Variants in DCHS2 observed in about 807,000 individuals in gnomAD.
DCHS2 encodes dachsous cadherin-related 2, also known as protocadherin-23.
Under a neutral mutation model 182.4 loss-of-function variants are expected in DCHS2, and 142 were observed. That is an observed-to-expected ratio of 0.78 (90% confidence interval 0.68 to 0.89). The LOEUF (loss-of-function observed/expected upper bound fraction) is 0.89. Among genes scored for constraint, DCHS2 ranks in the 40% least tolerant of loss-of-function variants. The pLI, the probability that DCHS2 is intolerant of heterozygous loss-of-function variation, is 0.00. For synonymous variants in DCHS2, 1,740 were observed against 1,663.3 expected, an observed-to-expected ratio of 1.05 and a Z score of -1.12; for missense variants, 4,319 against 4,198.6, an observed-to-expected ratio of 1.03 and a Z score of -0.79.
At position 154,490,462 on chromosome 4, in the gene DCHS2, C is replaced by G. The variant is rs978631080; in HGVS notation, c.894G>C (p.Gln298His). 6.5e-7 allele frequency: 1 copy of G among 1,536,794 alleles called. No individual in the cohort carries two copies. Among genetic ancestry groups the G allele is most frequent in the Admixed American group, 2.0e-5 (1 of 50,962 alleles). ...DENDNPPVFE[Q>H]DEYRAAVRED... ...CGCGCACCGCGGCGCGGTACTCGTCCTGCTCAAAGACCGGCGGGTTGTCGT... is the reference window on the plus strand; with the variant it reads ...CGCGCACCGCGGCGCGGTACTCGTCGTGCTCAAAGACCGGCGGGTTGTCGT... The change falls in exon 1 of 20, where the codon CAG becomes CAC. Residue 298 changes from glutamine (Q) to histidine (H), a missense_variant. Gln to His is a conservative substitution (Grantham distance 24). Transcript: ENST00000357232.
At chr4:154,311,837 G>C (rs963350026) in intron 10 of DCHS2, among the ~76,000 whole-genome samples, 1 of 151,906 alleles carries the variant, frequency 6.6e-6, no homozygotes, top group East Asian at 1.9e-4. Flanking sequence ...AGAAAAAGCA[G>C]GTGAATAAAC....
chr4:154,234,336 AG>A lies in DCHS2; in HGVS notation c.*199del, dbSNP rs1234726738. On this transcript the variant is annotated 3_prime_UTR_variant, in exon 20 of 20. Transcript: ENST00000357232. ...ATGTGAGTCCTGAGAGCAACACATA[AG>A]GATTAAAAGAGGAAATAACTTTTCA... 3.0e-6 allele frequency: 2 copies of A among 674,690 alleles called. No homozygotes were observed. Among genetic ancestry groups the A allele is most frequent in the Non-Finnish European group, 4.7e-6 (2 of 426,694 alleles). 41.8% of individuals were successfully genotyped at this position (674,690 alleles called of 1,614,324 possible). A position where few individuals can be genotyped will look rare whatever the true frequency, so the allele number is the denominator to read the frequency against.
At chr4:154,447,109 CG>C (rs888367888) in intron 1 of DCHS2, among the ~76,000 whole-genome samples, 1 of 151,930 alleles carries the variant, frequency 6.6e-6, no homozygotes, top group African/African-American at 2.4e-5. Flanking sequence ...CTGAACAACA[CG>C]GCGAAACCCC....
At chr4:154,321,354 T>C in intron 8 of DCHS2, 132 bp from the exon 9 acceptor site, 1 of 980,080 alleles carries the variant, frequency 1.0e-6, no homozygotes, top group Non-Finnish European at 1.4e-6. Context: ...GAGAAAAATG[T>C]CATTTTTATA....
intron 1 of DCHS2, among the ~76,000 whole-genome samples, chr4:154,427,926 C>T (rs143154080): frequency 6.6e-6 from 1 of 152,326 alleles, no homozygotes; most frequent in Admixed American, 6.5e-5. Context: ...CTGCTCTATA[C>T]ATTGAGAGCA....
rs1484279891 is a variant in DCHS2, at chr4:154,298,008, T to A, written c.6306A>T (p.Glu2102Asp). The A allele has an allele frequency of 6.2e-7, 1 of 1,614,090 alleles. No individual in the cohort carries two copies. ...TTAACTGCAGCCAGATAGGGAAGTA[T>A]TCTGAAGATGGATTTTGCTGAAATT... ...EIQFQQNPSSEYFPIWLQLKV... is the reference protein window; with the variant it reads ...EIQFQQNPSSDYFPIWLQLKV... Residue 2102 changes from glutamate (E) to aspartate (D), a missense_variant, in exon 13 of 20, where the codon GAA becomes GAT. Transcript: ENST00000357232.
intron 19 of DCHS2, 150 bp from the exon 20 acceptor site, chr4:154,237,309 T>C (rs1731579170): frequency 9.6e-7 from 1 of 1,042,380 alleles, no homozygotes; most frequent in Non-Finnish European, 1.3e-6. Flanking sequence ...CAAATAGAAA[T>C]ACAAATTATT....
chr4:154,254,696 G>A (rs999292588), intron 16 of DCHS2, among the ~76,000 whole-genome samples: 1 of 152,120 alleles, frequency 6.6e-6, no homozygotes, highest in Non-Finnish European at 1.5e-5. Context: ...AATTAACCAC[G>A]CATGGTGGCA....
At chr4:154,341,295 G>C (rs1428288416) in intron 3 of DCHS2, among the ~76,000 whole-genome samples, 1 of 151,024 alleles carries the variant, frequency 6.6e-6, no homozygotes, top group Admixed American at 6.6e-5. Context: ...CGTGAACCCG[G>C]GAAGTGGAGG....
chr4:154,457,233 A>G (rs1004796373), intron 1 of DCHS2, among the ~76,000 whole-genome samples: 1 of 152,230 alleles, frequency 6.6e-6, no homozygotes, highest in African/African-American at 2.4e-5. Context: ...CAACAAGTTC[A>G]TCTACTAACC....
In DCHS2 at chr4:154,259,773, G is replaced by T. The variant is rs768166482; in HGVS notation, c.6578-17C>A. 1.3e-6 allele frequency: 2 copies of T among 1,575,906 alleles called. No homozygotes were observed. The highest frequency in any genetic ancestry group is 8.6e-7 in the Non-Finnish European group (1 of 1,167,318). On this transcript the variant is annotated splice_polypyrimidine_tract_variant and intron_variant, in intron 14 of 19. Transcript: ENST00000357232. Reference sequence around the variant, plus strand: ...TGAGTTGTCCTATTTTTATTTCCAAGGAGAAAAAAAAGAAAATGATGTTGT... The same window carrying T: ...TGAGTTGTCCTATTTTTATTTCCAATGAGAAAAAAAAGAAAATGATGTTGT...
intron 7 of DCHS2, among the ~76,000 whole-genome samples, chr4:154,326,991 T>G (rs1169477242): frequency 6.6e-6 from 1 of 152,186 alleles, no homozygotes. Flanking sequence ...TTTAGGATAT[T>G]GAGTCTTCCC....
chr4:154,255,457 A>G, intron 16 of DCHS2, 62 bp downstream of exon 16: 3 of 1,544,718 alleles, frequency 1.9e-6, no homozygotes, highest in South Asian at 2.6e-5. Flanking sequence ...TGAACAAAAC[A>G]GCAATGTTGT....
chr4:154,244,857 T>G (rs1308302195), intron 16 of DCHS2, among the ~76,000 whole-genome samples: 1 of 152,180 alleles, frequency 6.6e-6, no homozygotes, highest in African/African-American at 2.4e-5. Flanking sequence ...CAGATACATA[T>G]GGAAATATTT....
At chr4:154,370,294 T>C (rs1345239742) in intron 2 of DCHS2, among the ~76,000 whole-genome samples, 1 of 151,918 alleles carries the variant, frequency 6.6e-6, no homozygotes, top group Non-Finnish European at 1.5e-5. Context: ...ACAGTAACCA[T>C]GTAGAGAAAA....
intron 6 of DCHS2, among the ~76,000 whole-genome samples, chr4:154,328,619 C>A (rs529541501): frequency 6.6e-6 from 1 of 152,226 alleles, no homozygotes; most frequent in East Asian, 1.9e-4. Flanking sequence ...GCAGGACATA[C>A]CAATTATCAG....
chr4:154,285,502 T>G (rs1262104095), intron 13 of DCHS2, among the ~76,000 whole-genome samples: 4 of 152,172 alleles, frequency 2.6e-5, no homozygotes, highest in Admixed American at 2.6e-4. Context: ...GGGAGCCTAC[T>G]GCCTTGAAGG....
chr4:154,248,001 A>G (rs1732164255), intron 16 of DCHS2, among the ~76,000 whole-genome samples: 1 of 152,224 alleles, frequency 6.6e-6, no homozygotes, highest in Non-Finnish European at 1.5e-5. Context: ...TGGAGAGGGC[A>G]TAAAGCAGTA....
intron 1 of DCHS2, among the ~76,000 whole-genome samples, chr4:154,409,715 T>C (rs1411255742): frequency 6.6e-6 from 1 of 152,148 alleles, no homozygotes; most frequent in Non-Finnish European, 1.5e-5. Flanking sequence ...CCAGCACCAA[T>C]GCCGTTGCTT....
Sources: gnomAD v4.1 joint callset for allele counts (sites outside exome capture counted in the v4.1 genomes callset) on GRCh38, gnomAD v4.1.1 for gene constraint, MANE v1.5 for transcripts, NCBI Gene and HGNC (gene_info 2026-07-23, HGNC 2026-07-21) for gene names.